Variants in AIG1 observed in about 807,000 individuals in gnomAD.
AIG1 encodes the protein androgen induced 1, also known as androgen-induced gene 1 protein.
AIG1 carries 23 observed loss-of-function variants against 31.4 expected under a neutral mutation model. That is an observed-to-expected ratio of 0.73 (90% CI 0.53 to 1.04). The LOEUF (loss-of-function observed/expected upper bound fraction) is 1.04. AIG1 is among the 50% of genes least tolerant of loss of function. The pLI, the probability that AIG1 is intolerant of heterozygous loss-of-function variation, is 0.00. For missense variants in AIG1, 274 were observed against 295.0 expected, an observed-to-expected ratio of 0.93 and a Z score of 0.52; for synonymous variants, 100 against 110.5, an observed-to-expected ratio of 0.90 and a Z score of 0.60.
At chr6:143,221,245 G>A (rs1003777223) in intron 3 of AIG1, among the ~76,000 whole-genome samples, 7 of 152,088 alleles carry the variant, frequency 4.6e-5, no homozygotes, top group East Asian at 3.9e-4. Flanking sequence ...GTCTTCATAC[G>A]AAAAAGGTTT....
chr6:143,068,396 G>A (rs1044427121), intron 1 of AIG1, among the ~76,000 whole-genome samples: 4 of 152,220 alleles, frequency 2.6e-5, no homozygotes, highest in East Asian at 3.8e-4. Flanking sequence ...CAGTTAAAGG[G>A]CCCATGCCTC....
In AIG1 at chr6:143,331,656, G is replaced by C. The variant is rs78033694; in HGVS notation, c.516-1626G>C. ...TACATCTGTGTGTGTGTATATATGT[G>C]TGTGTGTATATGTGTGTGTGTGTGT... On this transcript the variant is annotated intron_variant, in intron 4 of 5. Transcript: ENST00000357847. The surrounding 1 kb of genome is among the most constrained non-coding windows in gnomAD (Gnocchi z 4.1). Among the ~76,000 whole-genome samples the C allele has an allele frequency of 0.016, 2,397 of 151,828 alleles. 21 individuals are homozygous for C. Among genetic ancestry groups the C allele is most frequent in the Non-Finnish European group, 0.023 (1,590 of 67,954 alleles).
chr6:143,283,891 A>G (rs949124269), intron 3 of AIG1, among the ~76,000 whole-genome samples: 1 of 152,230 alleles, frequency 6.6e-6, no homozygotes, highest in Admixed American at 6.5e-5. Context: ...ATAAAATACA[A>G]TAAAATTTCA....
chr6:143,139,354 C>T (rs1784062620), intron 2 of AIG1, among the ~76,000 whole-genome samples: 1 of 143,610 alleles, frequency 7.0e-6, no homozygotes, highest in South Asian at 2.5e-4. Flanking sequence ...CGTGTGGGTG[C>T]AGCTGTCCTA....
intron 1 of AIG1, among the ~76,000 whole-genome samples, chr6:143,134,588 A>G (rs1214402801): frequency 6.6e-6 from 1 of 152,014 alleles, no homozygotes; most frequent in Non-Finnish European, 1.5e-5. Context: ...CACATATATG[A>G]GAGTTTCTGC....
intron 1 of AIG1, among the ~76,000 whole-genome samples, chr6:143,091,622 T>C (rs938860800): frequency 6.6e-6 from 1 of 152,222 alleles, no homozygotes; most frequent in Non-Finnish European, 1.5e-5. Context: ...CAAAATATTG[T>C]TAGTCTCATA....
chr6:143,109,513 C>A (rs560232625), intron 1 of AIG1, among the ~76,000 whole-genome samples: 1 of 152,264 alleles, frequency 6.6e-6, no homozygotes, highest in Admixed American at 6.5e-5. Flanking sequence ...TGTGTCCTCA[C>A]CAATGCTTTG....
chr6:143,200,563 G>C (rs895124790), intron 3 of AIG1, among the ~76,000 whole-genome samples: 6 of 152,096 alleles, frequency 3.9e-5, no homozygotes, highest in Non-Finnish European at 8.8e-5. Context: ...AACCGACTCT[G>C]AATCAGAATT....
intron 1 of AIG1, among the ~76,000 whole-genome samples, chr6:143,103,529 A>T (rs1375476276): frequency 9.1e-6 from 1 of 109,676 alleles, no homozygotes; most frequent in Non-Finnish European, 1.7e-5. Flanking sequence ...TTTTTTTGAG[A>T]CGGAGTCTCG....
At chr6:143,269,291 A>C (rs1796347215) in intron 3 of AIG1, among the ~76,000 whole-genome samples, 2 of 152,252 alleles carry the variant, frequency 1.3e-5, no homozygotes, top group African/African-American at 4.8e-5. Flanking sequence ...AAGCATGAGA[A>C]TGACTCAAAT....
At chr6:143,260,684 A>C (rs532353367) in intron 3 of AIG1, among the ~76,000 whole-genome samples, 39 of 152,264 alleles carry the variant, frequency 2.6e-4, no homozygotes, top group African/African-American at 8.7e-4. Flanking sequence ...TCAGCACCAC[A>C]CCATTAGGTA....
chr6:143,159,868 C>G (rs1392678886), intron 2 of AIG1, among the ~76,000 whole-genome samples: 1 of 152,170 alleles, frequency 6.6e-6, no homozygotes, highest in Non-Finnish European at 1.5e-5. Flanking sequence ...CATACTTTCT[C>G]TGTTTGCAAA....
chr6:143,132,265 T>C (rs1049845763), intron 1 of AIG1, among the ~76,000 whole-genome samples: 1 of 152,208 alleles, frequency 6.6e-6, no homozygotes, highest in African/African-American at 2.4e-5. Context: ...CCATATGTGA[T>C]ATCATTTCTT....
At chr6:143,211,869 G>A (rs372384482) in intron 3 of AIG1, among the ~76,000 whole-genome samples, 42 of 151,906 alleles carry the variant, frequency 2.8e-4, no homozygotes, top group African/African-American at 9.4e-4. Flanking sequence ...CTCCTGTGTG[G>A]GCAACAGAGC....
At chr6:143,174,361 C>A (rs546284902) in intron 3 of AIG1, among the ~76,000 whole-genome samples, 4 of 151,926 alleles carry the variant, frequency 2.6e-5, no homozygotes, top group African/African-American at 4.8e-5. Flanking sequence ...GTGGCAGGCA[C>A]CTGTAATCCC....
At chr6:143,087,033 C>G (rs1169121974) in intron 1 of AIG1, among the ~76,000 whole-genome samples, 1 of 152,162 alleles carries the variant, frequency 6.6e-6, no homozygotes, top group African/African-American at 2.4e-5. Context: ...AAGCGTTTTC[C>G]CAGGAAGCCT....
chr6:143,068,130 GT>G (rs1445867940), intron 1 of AIG1, among the ~76,000 whole-genome samples: 1 of 152,194 alleles, frequency 6.6e-6, no homozygotes, highest in African/African-American at 2.4e-5. Context: ...CTGACCACTA[GT>G]TGAGGTCACT....
At chr6:143,105,151 G>A (rs1455788890) in intron 1 of AIG1, among the ~76,000 whole-genome samples, 2 of 152,178 alleles carry the variant, frequency 1.3e-5, no homozygotes, top group Non-Finnish European at 1.5e-5. Flanking sequence ...AGTAGTGAGG[G>A]TGTGGTCAAG....
intron 4 of AIG1, among the ~76,000 whole-genome samples, chr6:143,323,175 C>T (rs144494319): frequency 5.9e-5 from 9 of 152,264 alleles, no homozygotes; most frequent in Admixed American, 3.3e-4. Flanking sequence ...CTCATAACTA[C>T]GTAGGCGGGA....
Sources: gnomAD v4.1 joint callset for allele counts (sites outside exome capture counted in the v4.1 genomes callset) on GRCh38, gnomAD v4.1.1 for gene constraint, Gnocchi (gnomAD v3.1) non-coding constraint, MANE v1.5 for transcripts, NCBI Gene and HGNC (gene_info 2026-07-23, HGNC 2026-07-21) for gene names.